The following BACH1 variants were observed in gnomAD, a reference collection of about 807,000 sequenced individuals.
The protein encoded by BACH1 is BTB domain and CNC homolog 1.
Under a neutral mutation model 52.9 loss-of-function variants are expected in BACH1, and 35 were observed. The ratio of observed to expected loss-of-function variants is 0.66; its 90% CI spans 0.51 to 0.88. BACH1 has a LOEUF of 0.88. Ranked by LOEUF, BACH1 falls within the 40% of genes least tolerant of loss-of-function variation. The pLI, the probability that BACH1 is intolerant of heterozygous loss-of-function variation, is 0.00. For missense variants in BACH1, 808 were observed against 872.6 expected (o/e 0.93, Z 0.93); for synonymous variants, 321 against 319.6 (o/e 1.00, Z -0.05).
At chr21:29,334,502 ATTC>A (rs2089022394) in intron 4 of BACH1, among the ~76,000 whole-genome samples, 1 of 152,192 alleles carries the variant, frequency 6.6e-6, no homozygotes, top group Admixed American at 6.5e-5. Flanking sequence ...GTCCAAGTTT[ATTC>A]TTTTCTGGAA....
intron 1 of BACH1, among the ~76,000 whole-genome samples, chr21:29,309,338 T>C (rs1320537478): frequency 2.0e-5 from 3 of 152,190 alleles, no homozygotes; most frequent in Non-Finnish European, 4.4e-5. Context: ...CCATTTAATC[T>C]GTTTGTGTAA....
At position 29,300,719 on chromosome 21, in the gene BACH1, C is replaced by CTTAAT. The variant is rs1385531201; in HGVS notation, c.-61+1769_-61+1773dup. The CTTAAT allele has an allele frequency of 4.6e-5, 7 of 152,238 alleles. No individual in the cohort carries two copies. The East Asian group carries it at 1.3e-3, about 29-fold the overall frequency. 9.4% of individuals were successfully genotyped at this position (152,238 alleles called of 1,614,324 possible). ...TGGTCTATAAGTTTCAAGCAGTGAG[C>CTTAAT]TTAATTTGTGCGTCATAAAAATTTG... On this transcript the variant is annotated intron_variant, in intron 1 of 4. Transcript: ENST00000286800.
chr21:29,310,905 G>C (rs2088713761), intron 1 of BACH1, among the ~76,000 whole-genome samples: 1 of 152,168 alleles, frequency 6.6e-6, no homozygotes, highest in Admixed American at 6.5e-5. Context: ...GTACAGGAGA[G>C]CAAAGAATTA....
chr21:29,327,793 C>A (rs1176642865), intron 3 of BACH1, among the ~76,000 whole-genome samples: 1 of 152,138 alleles, frequency 6.6e-6, no homozygotes, highest in Non-Finnish European at 1.5e-5. Flanking sequence ...TGCACTCCAG[C>A]CTAGGAGACA....
At chr21:29,313,394 AAGTT>A (rs1164576883) in intron 1 of BACH1, among the ~76,000 whole-genome samples, 3 of 152,246 alleles carry the variant, frequency 2.0e-5, no homozygotes, top group Admixed American at 6.5e-5. Flanking sequence ...AATTTCTAAA[AAGTT>A]AGGCATGTGC....
intron 1 of BACH1, among the ~76,000 whole-genome samples, chr21:29,302,435 A>G (rs1407497476): frequency 1.3e-5 from 2 of 152,166 alleles, no homozygotes; most frequent in Non-Finnish European, 2.9e-5. Context: ...ACAGTTGACA[A>G]AGAAGCAGTA....
At chr21:29,329,081 G>A (rs2088950983) in intron 3 of BACH1, among the ~76,000 whole-genome samples, 1 of 152,190 alleles carries the variant, frequency 6.6e-6, no homozygotes, top group South Asian at 2.1e-4. Context: ...GCTGAGGTGG[G>A]TAGATTGCCT....
rs1039924654 is a variant in BACH1, at chr21:29,318,145, T to C, written c.-60-3076T>C. The stretch of plus-strand genomic sequence containing the variant: ...TACTTGCAAGTAATAAGCATAAATA[T>C]TGATATGTGAAACTTTATTTTATGT... On this transcript the variant is annotated intron_variant, in intron 1 of 4. Coordinates refer to ENST00000286800, the MANE Select transcript of BACH1 (RefSeq NM_001186.4). Among the ~76,000 whole-genome samples the C allele has an allele frequency of 7.7e-4, 118 of 152,284 alleles. 1 individual carries two copies. Among genetic ancestry groups the C allele is most frequent in the African/African-American group, 2.7e-3 (113 of 41,560 alleles).
chr21:29,306,703 C>CACT (rs1290267711), intron 1 of BACH1, among the ~76,000 whole-genome samples: 1 of 152,092 alleles, frequency 6.6e-6, no homozygotes, highest in African/African-American at 2.4e-5. Flanking sequence ...GTTCTGCCAC[C>CACT]ACTACACTTA....
At chr21:29,308,803 C>T (rs1043807838) in intron 1 of BACH1, among the ~76,000 whole-genome samples, 1 of 152,180 alleles carries the variant, frequency 6.6e-6, no homozygotes, top group Non-Finnish European at 1.5e-5. Context: ...TTGAAAGTAA[C>T]TTGTAGTGAA....
At position 29,327,236 on chromosome 21, in the gene BACH1, G is replaced by A. The variant is rs35766001; in HGVS notation, c.1412G>A (p.Gly471Asp). 6.2e-7 allele frequency: 1 copy of A among 1,614,172 alleles called. No individual in the cohort carries two copies. The highest frequency in any genetic ancestry group is 1.1e-5 in the South Asian group (1 of 91,084). ...CPFISTLSTE[G>D]CSSNLEIGND... ...TTTATAAGTACTCTGAGTACTGAAGGCTGTTCAAGCAATTTGGAAATTGGA... is the reference window on the plus strand; with the variant it reads ...TTTATAAGTACTCTGAGTACTGAAGACTGTTCAAGCAATTTGGAAATTGGA... Residue 471 changes from glycine to aspartate, a missense_variant, in exon 3 of 5, where the codon GGC becomes GAC. Physicochemically the swap from Gly to Asp is moderately conservative, Grantham distance 94 (BLOSUM62 -1). Coordinates refer to ENST00000286800, the MANE Select transcript of BACH1 (RefSeq NM_001186.4).
chr21:29,339,021 G>A (rs925775400), intron 4 of BACH1, among the ~76,000 whole-genome samples: 1 of 152,130 alleles, frequency 6.6e-6, no homozygotes, highest in African/African-American at 2.4e-5. Context: ...ATAGTACTCA[G>A]TAGTGACTGT....
At chr21:29,360,125 T>C (rs1164917440) in intron 2 of BACH1, among the ~76,000 whole-genome samples, 1 of 152,204 alleles carries the variant, frequency 6.6e-6, no homozygotes, top group Non-Finnish European at 1.5e-5. Flanking sequence ...ACCAAACCAA[T>C]GTACCTCTTA....
rs976375654 is a variant in BACH1, at chr21:29,321,469, C to T, written c.189C>T (p.Ile63=). The change falls in exon 2 of 5, where the codon ATC becomes ATT. Residue 63 remains isoleucine, a synonymous_variant. Coordinates refer to ENST00000286800, the MANE Select transcript of BACH1 (RefSeq NM_001186.4). ...GCAGCAGTTACTTCCACTCAAGAAT[C>T]GTAGGCCAGGCTGATGGAGAGCTGA... is the stretch of plus-strand genomic sequence containing the variant. ...AACSSYFHSR[I]VGQADGELNI... 6.8e-6 allele frequency: 11 copies of T among 1,614,056 alleles called. No homozygotes were observed. The highest frequency in any genetic ancestry group is 2.7e-5 in the African/African-American group (2 of 74,906).
At chr21:29,337,140 C>G (rs908241835) in intron 4 of BACH1, among the ~76,000 whole-genome samples, 2 of 152,210 alleles carry the variant, frequency 1.3e-5, no homozygotes. Context: ...AGCTCCTGTC[C>G]TGTTGACATA....
downstream of BACH1, among the ~76,000 whole-genome samples, chr21:29,350,715 C>A (rs1049426117): frequency 2.6e-5 from 4 of 152,194 alleles, no homozygotes; most frequent in African/African-American, 9.7e-5. Flanking sequence ...CCAGCGCACT[C>A]CATCTCTGCA....
intron 4 of BACH1, among the ~76,000 whole-genome samples, chr21:29,333,937 A>G (rs1239084250): frequency 2.0e-5 from 3 of 152,116 alleles, no homozygotes; most frequent in Non-Finnish European, 4.4e-5. Flanking sequence ...AAAGGTGTTT[A>G]TTTATTTGGT....
intron 1 of BACH1, among the ~76,000 whole-genome samples, chr21:29,306,991 A>G (rs956558418): frequency 1.3e-5 from 2 of 152,176 alleles, no homozygotes; most frequent in African/African-American, 4.8e-5. Context: ...GAGAACATAT[A>G]ATTATATCTT....
chr21:29,348,870 G>A (rs939976501), downstream of BACH1, among the ~76,000 whole-genome samples: 10 of 152,016 alleles, frequency 6.6e-5, no homozygotes, highest in African/African-American at 2.2e-4. Context: ...TGAGGTGGGC[G>A]GATCACGAGG....
Sources: gnomAD v4.1 joint callset for allele counts (sites outside exome capture counted in the v4.1 genomes callset) on GRCh38, gnomAD v4.1.1 for gene constraint, MANE v1.5 for transcripts, NCBI Gene and HGNC (gene_info 2026-07-23, HGNC 2026-07-21) for gene names.